CDH12: variants seen among roughly 807,000 people sequenced by gnomAD.
CDH12 encodes cadherin-12.
A neutral mutation model predicts 74.1 loss-of-function variants in CDH12; 41 were observed. That is an observed-to-expected ratio of 0.55 (90% CI 0.43 to 0.72). The LOEUF (loss-of-function observed/expected upper bound fraction) is 0.72. Among genes scored for constraint, CDH12 ranks in the 30% least tolerant of loss-of-function variants. The pLI, the probability that CDH12 is intolerant of heterozygous loss-of-function variation, is 0.00. For missense variants in CDH12, 945 were observed against 977.2 expected, an observed-to-expected ratio of 0.97 and a Z score of 0.44; for synonymous variants, 399 against 355.0, an observed-to-expected ratio of 1.12 and a Z score of -1.39.
chr5:21,853,498 G>A (rs184772740), intron 7 of CDH12, among the ~76,000 whole-genome samples: 1 of 151,652 alleles, frequency 6.6e-6, no homozygotes, highest in African/African-American at 2.4e-5. Flanking sequence ...GGCTTAATGA[G>A]GAGGATAAGA....
At chr5:22,356,067 G>A (rs1326643135) in intron 3 of CDH12, among the ~76,000 whole-genome samples, 1 of 152,128 alleles carries the variant, frequency 6.6e-6, no homozygotes, top group Non-Finnish European at 1.5e-5. Context: ...AGAGCAGTCA[G>A]ACGAACTTTG....
chr5:22,425,170 T>A (rs962136679), intron 2 of CDH12, among the ~76,000 whole-genome samples: 1,320 of 100,694 alleles, frequency 0.013, 18 homozygotes, highest in Non-Finnish European at 0.019. Context: ...TATATATATA[T>A]AAATATATAT....
chr5:22,504,174 T>C (rs1561453326), intron 2 of CDH12, among the ~76,000 whole-genome samples: 2 of 151,810 alleles, frequency 1.3e-5, no homozygotes, highest in African/African-American at 4.8e-5. Context: ...GAGATGACCA[T>C]GGGGGGAGAG....
In CDH12 at chr5:21,904,244, A is replaced by T. The variant is rs187959182; in HGVS notation, c.527-49454T>A. On this transcript the variant is annotated intron_variant, in intron 6 of 14. Coordinates refer to ENST00000382254, the MANE Select transcript of CDH12 (RefSeq NM_004061.5). ...CAGGATCTCAAAAAGTTTACCTACC[A>T]TGCATCCTGTTGCAGGAAATAATTA... 1.2e-3 allele frequency among the ~76,000 whole-genome samples: 183 copies of T among 152,306 alleles called. 1 individual carries two copies. The highest frequency in any genetic ancestry group is 2.3e-3 in the Non-Finnish European group (158 of 68,034).
At chr5:21,772,212 T>C (rs888179315) in intron 11 of CDH12, among the ~76,000 whole-genome samples, 4 of 152,140 alleles carry the variant, frequency 2.6e-5, no homozygotes, top group African/African-American at 9.7e-5. Context: ...TTTGATTATA[T>C]CTCCTCAATG....
At chr5:22,404,489 T>G (rs992239106) in intron 3 of CDH12, among the ~76,000 whole-genome samples, 1 of 152,148 alleles carries the variant, frequency 6.6e-6, no homozygotes, top group Non-Finnish European at 1.5e-5. Flanking sequence ...TAGCTAACAT[T>G]CATAAAAGCA....
In CDH12 at chr5:21,921,049, C is replaced by G. The variant is rs374864397; in HGVS notation, c.526+54042G>C. 9.2e-5 allele frequency among the ~76,000 whole-genome samples: 14 copies of G among 152,292 alleles called. No homozygotes were observed. The East Asian group carries it at 9.7e-4, about 11-fold the overall frequency. On this transcript the variant is annotated intron_variant, in intron 6 of 14. Coordinates refer to ENST00000382254, the MANE Select transcript of CDH12 (RefSeq NM_004061.5). Reference sequence around the variant, plus strand: ...GTTACATACAGAAAAACCTTTTCCTCTAAAGCATTAAAATTGTCATCTCTC... The same window carrying G: ...GTTACATACAGAAAAACCTTTTCCTGTAAAGCATTAAAATTGTCATCTCTC...
intron 6 of CDH12, among the ~76,000 whole-genome samples, chr5:21,932,095 C>G (rs1484153092): frequency 6.6e-6 from 1 of 152,160 alleles, no homozygotes; most frequent in African/African-American, 2.4e-5. Context: ...GGATACTCTA[C>G]ACAAATGAAA....
At position 21,751,651 on chromosome 5, in the gene CDH12, T is replaced by TGTGTGTGTGTGA. The variant is rs766005547; in HGVS notation, c.*85_*86insTCACACACACAC. The TGTGTGTGTGTGA allele has an allele frequency of 0.02, 19,170 of 947,362 alleles. 262 individuals are homozygous for TGTGTGTGTGTGA. Among genetic ancestry groups the TGTGTGTGTGTGA allele is most frequent in the African/African-American group, 0.064 (3,779 of 58,916 alleles). The allele number at this position is 947,362 out of a possible 1,614,324, so 58.7% of individuals were successfully genotyped here. On this transcript the variant is annotated 3_prime_UTR_variant, in exon 15 of 15. Coordinates refer to ENST00000382254, the MANE Select transcript of CDH12 (RefSeq NM_004061.5). The stretch of plus-strand genomic sequence containing the variant: ...GTGTGTTTGTGTGTGTGTGTGTGTG[T>TGTGTGTGTGTGA]GAGAGAGATTTCTATTAATATTTGT...
At chr5:22,840,752 GA>G (rs1052946057) in intron 1 of CDH12, among the ~76,000 whole-genome samples, 22 of 152,210 alleles carry the variant, frequency 1.4e-4, no homozygotes, top group African/African-American at 5.1e-4. Flanking sequence ...CCAGGATAAG[GA>G]AATTGTATTA....
intron 2 of CDH12, among the ~76,000 whole-genome samples, chr5:22,435,680 G>C (rs147668770): frequency 6.6e-6 from 1 of 151,976 alleles, no homozygotes; most frequent in East Asian, 1.9e-4. Flanking sequence ...CACGAGATTC[G>C]AAATTACGGT....
At chr5:22,720,214 T>C (rs1743806055) in intron 1 of CDH12, among the ~76,000 whole-genome samples, 3 of 152,172 alleles carry the variant, frequency 2.0e-5, no homozygotes, top group Non-Finnish European at 2.9e-5. Context: ...CTTTTTGTGA[T>C]AGTAAGTGAG....
At chr5:22,451,297 T>A (rs1020752384) in intron 2 of CDH12, among the ~76,000 whole-genome samples, 2 of 151,934 alleles carry the variant, frequency 1.3e-5, no homozygotes, top group Non-Finnish European at 2.9e-5. Flanking sequence ...TCTATCTAAT[T>A]AAAACAAGCA....
chr5:22,742,104 C>A (rs1218522986), intron 1 of CDH12, among the ~76,000 whole-genome samples: 1 of 151,686 alleles, frequency 6.6e-6, no homozygotes, highest in Non-Finnish European at 1.5e-5. Flanking sequence ...ATCACTTGAA[C>A]GTGGGAAGTG....
chr5:22,435,106 A>G lies in CDH12; in HGVS notation c.-427-29755T>C, dbSNP rs1268290655. The stretch of plus-strand genomic sequence containing the variant: ...TGTTGCCAAAGGAGATTAACATTTG[A>G]GTCAGCGGCTGGGAAAGGTAGACCT... On this transcript the variant is annotated intron_variant, in intron 2 of 14. Coordinates refer to ENST00000382254, the MANE Select transcript of CDH12 (RefSeq NM_004061.5). Among the ~76,000 whole-genome samples, 4 of 152,198 alleles carry G rather than the reference A, an allele frequency of 2.6e-5. No individual in the cohort carries two copies. The East Asian group carries it at 5.8e-4, about 22-fold the overall frequency.
chr5:22,667,543 T>G (rs1020189465), intron 1 of CDH12, among the ~76,000 whole-genome samples: 1 of 152,208 alleles, frequency 6.6e-6, no homozygotes, highest in African/African-American at 2.4e-5. Context: ...TTCCTGACAC[T>G]GGAGGCTGTG....
intron 1 of CDH12, among the ~76,000 whole-genome samples, chr5:22,806,992 C>G (rs1223687098): frequency 1.3e-5 from 2 of 152,066 alleles, no homozygotes; most frequent in Non-Finnish European, 2.9e-5. Flanking sequence ...TTCCATTTGT[C>G]AATTTTGGCT....
At chr5:22,098,171 G>C (rs922462813) in intron 4 of CDH12, among the ~76,000 whole-genome samples, 2 of 151,936 alleles carry the variant, frequency 1.3e-5, no homozygotes, top group African/African-American at 2.4e-5. Flanking sequence ...CACCCATCAG[G>C]CTCAGCAAAT....
chr5:22,408,703 G>A (rs1162227460), intron 2 of CDH12, among the ~76,000 whole-genome samples: 1 of 151,298 alleles, frequency 6.6e-6, no homozygotes, highest in Non-Finnish European at 1.5e-5. Flanking sequence ...TGAATGTATT[G>A]CTGCCCACAT....
Sources: gnomAD v4.1 joint callset for allele counts (sites outside exome capture counted in the v4.1 genomes callset) on GRCh38, gnomAD v4.1.1 for gene constraint, MANE v1.5 for transcripts, NCBI Gene and HGNC (gene_info 2026-07-23, HGNC 2026-07-21) for gene names.